The following PLA2G10 variants were observed in gnomAD, a reference collection of about 807,000 sequenced individuals.
The protein encoded by PLA2G10 is group 10 secretory phospholipase A2.
PLA2G10 carries 9 observed loss-of-function variants against 7.9 expected under a neutral mutation model. The ratio of observed to expected loss-of-function variants is 1.14; its 90% confidence interval spans 0.68 to 1.98. The LOEUF is 1.98. Among genes scored for constraint, PLA2G10 ranks in the 30% most tolerant of loss-of-function variants. PLA2G10 has a pLI of 0.00. For synonymous variants in PLA2G10, 19 were observed against 27.5 expected (o/e 0.69, Z 0.97); for missense variants, 53 against 65.4 (o/e 0.81, Z 0.66).
chr16:14,683,942 T>C (rs1349062696), intron 3 of PLA2G10, among the ~76,000 whole-genome samples: 1 of 152,144 alleles, frequency 6.6e-6, no homozygotes, highest in Non-Finnish European at 1.5e-5. Flanking sequence ...CCACAGTATA[T>C]AAAGAACTCT....
chr16:14,684,337 C>CAAA (rs71373100), intron 3 of PLA2G10, among the ~76,000 whole-genome samples: 44 of 39,460 alleles, frequency 1.1e-3, no homozygotes, highest in Non-Finnish European at 1.4e-3. Flanking sequence ...GACTCCATCT[C>CAAA]AAAAAAAAAA....
chr16:14,687,739 G>A (rs1424042303), intron 3 of PLA2G10, among the ~76,000 whole-genome samples: 1 of 151,826 alleles, frequency 6.6e-6, no homozygotes, highest in Non-Finnish European at 1.5e-5. Flanking sequence ...CCTCACGCCT[G>A]TAATCTCAGC....
At chr16:14,681,944 G>C (rs1033026287) in intron 3 of PLA2G10, among the ~76,000 whole-genome samples, 1 of 151,892 alleles carries the variant, frequency 6.6e-6, no homozygotes, top group African/African-American at 2.4e-5. Context: ...ACCCACACCA[G>C]AAGGGGGCAG....
At chr16:14,679,836 C>T (rs1422599399) in intron 3 of PLA2G10, among the ~76,000 whole-genome samples, 1 of 152,050 alleles carries the variant, frequency 6.6e-6, no homozygotes, top group South Asian at 2.1e-4. Flanking sequence ...GGTGACAGAT[C>T]GAGATGGTCA....
chr16:14,685,883 C>T (rs533981646), intron 3 of PLA2G10, among the ~76,000 whole-genome samples: 1 of 152,130 alleles, frequency 6.6e-6, no homozygotes, highest in Admixed American at 6.6e-5. Flanking sequence ...CCATGTTGGC[C>T]AGGCTGGTCT....
intron 3 of PLA2G10, among the ~76,000 whole-genome samples, chr16:14,687,391 C>T (rs537746600): frequency 9.6e-5 from 14 of 146,582 alleles, no homozygotes; most frequent in Admixed American, 2.1e-4. Flanking sequence ...TGCTGTGACT[C>T]GATCACAGCT....
Position 14,679,180 on chromosome 16 carries a change from TAC to T in PLA2G10, c.356-6433_356-6432del, listed in dbSNP as rs778602102. On this transcript the variant is annotated intron_variant, in intron 3 of 3. Coordinates refer to ENST00000438167, the MANE Select transcript of PLA2G10 (RefSeq NM_003561.3). ...ACCTAAAATTTACCATATTAAAATG[TAC>T]AGTCAGTAGCATTTAGTACCTTCAC... Among the ~76,000 whole-genome samples, 107 of 152,302 alleles carry T rather than the reference TAC, an allele frequency of 7.0e-4. 5 individuals carry two copies. The highest frequency in any genetic ancestry group is 6.8e-3 in the Middle Eastern group (2 of 294).
chr16:14,683,778 G>A (rs1050676532), intron 3 of PLA2G10, among the ~76,000 whole-genome samples: 1 of 152,054 alleles, frequency 6.6e-6, no homozygotes, highest in African/African-American at 2.4e-5. Flanking sequence ...GGATTCTAAG[G>A]ACACCAAAAA....
chr16:14,672,826 G>A, intron 3 of PLA2G10, 77 bp from the exon 4 acceptor site: 1 of 1,391,910 alleles, frequency 7.2e-7, no homozygotes, highest in African/African-American at 1.4e-5. Flanking sequence ...CAAGAGGCAG[G>A]ACGGGTCATA....
rs1567500572 is a variant in PLA2G10, at chr16:14,672,582, A to G, written c.*25T>C. ...GAGAGGACGCTTTATTTCCTTGTGCAAAAGAGCATTTCAAGTCAAGGTAGT... is the reference window on the plus strand; with the variant it reads ...GAGAGGACGCTTTATTTCCTTGTGCGAAAGAGCATTTCAAGTCAAGGTAGT... On this transcript the variant is annotated 3_prime_UTR_variant, in exon 4 of 4. Transcript: ENST00000438167. 1.2e-6 allele frequency: 2 copies of G among 1,612,446 alleles called. No homozygotes were observed. Among genetic ancestry groups the G allele is most frequent in the Non-Finnish European group, 1.7e-6 (2 of 1,178,858 alleles).
intron 3 of PLA2G10, among the ~76,000 whole-genome samples, chr16:14,681,177 G>GAGAAA (rs530786486): frequency 1.4e-5 from 2 of 142,556 alleles, no homozygotes; most frequent in East Asian, 2.4e-4. Flanking sequence ...GAAAAGAAAA[G>GAGAAA]AGAAAAGAAA....
intron 3 of PLA2G10, among the ~76,000 whole-genome samples, chr16:14,684,588 C>T (rs1023580889): frequency 5.3e-5 from 8 of 151,876 alleles, no homozygotes; most frequent in African/African-American, 1.9e-4. Context: ...ATCGCTAAAA[C>T]CTGGGAGGCA....
At chr16:14,676,587 G>A (rs1488452030) in intron 3 of PLA2G10, among the ~76,000 whole-genome samples, 1 of 152,190 alleles carries the variant, frequency 6.6e-6, no homozygotes, top group Non-Finnish European at 1.5e-5. Flanking sequence ...GCTACGGCAG[G>A]AGAATCGCTT....
chr16:14,680,225 C>T (rs564302562), intron 3 of PLA2G10, among the ~76,000 whole-genome samples: 64 of 151,606 alleles, frequency 4.2e-4, no homozygotes, highest in Non-Finnish European at 7.5e-4. Context: ...CTCAACCTCC[C>T]GAATAGCTGG....
chr16:14,686,340 C>T (rs1476529188), intron 3 of PLA2G10, among the ~76,000 whole-genome samples: 1 of 152,088 alleles, frequency 6.6e-6, no homozygotes, highest in Non-Finnish European at 1.5e-5. Context: ...TGGTCTGGAT[C>T]ATGACTAGCT....
At chr16:14,683,655 G>C (rs563578406) in intron 3 of PLA2G10, among the ~76,000 whole-genome samples, 2 of 152,096 alleles carry the variant, frequency 1.3e-5, no homozygotes, top group African/African-American at 4.8e-5. Flanking sequence ...ACCTCACTCC[G>C]TAGACAAAAA....
intron 3 of PLA2G10, among the ~76,000 whole-genome samples, chr16:14,676,335 A>G (rs970698190): frequency 6.6e-6 from 1 of 152,250 alleles, no homozygotes; most frequent in Non-Finnish European, 1.5e-5. Context: ...CACAGTCACA[A>G]TTGCAAAGAT....
chr16:14,683,910 C>T (rs1354025450), intron 3 of PLA2G10, among the ~76,000 whole-genome samples: 1 of 152,116 alleles, frequency 6.6e-6, no homozygotes, highest in Non-Finnish European at 1.5e-5. Flanking sequence ...TTGCAAATCA[C>T]ATATCGGGTA....
At chr16:14,687,691 A>G (rs1961129055) in intron 3 of PLA2G10, among the ~76,000 whole-genome samples, 3 of 151,838 alleles carry the variant, frequency 2.0e-5, no homozygotes, top group African/African-American at 7.3e-5. Context: ...TCAAGTCCTC[A>G]TTGTTAAAGA....
Sources: allele counts gnomAD v4.1 joint callset (sites outside exome capture counted in the v4.1 genomes callset), GRCh38; gene constraint gnomAD v4.1.1; transcripts MANE v1.5; gene names NCBI Gene and HGNC (gene_info 2026-07-23, HGNC 2026-07-21).